The following C3orf70 variants were observed in gnomAD, a reference collection of about 807,000 sequenced individuals.
C3orf70 encodes the protein chromosome 3 open reading frame 70.
C3orf70 carries 15 observed loss-of-function variants against 20.7 expected under a neutral mutation model. The observed-to-expected ratio is 0.72, with a 90% confidence interval of 0.48 to 1.11. The LOEUF (loss-of-function observed/expected upper bound fraction) is 1.11. Ranked by LOEUF, C3orf70 falls within the 50% of genes most tolerant of loss-of-function variation. C3orf70 has a pLI of 0.00. For synonymous variants in C3orf70, 161 were observed against 125.7 expected (o/e 1.28, Z -1.88); for missense variants, 332 against 317.6 (o/e 1.05, Z -0.34).
intron 1 of C3orf70, among the ~76,000 whole-genome samples, chr3:185,126,713 C>T (rs151283461): frequency 1.3e-4 from 20 of 152,250 alleles, no homozygotes; most frequent in Admixed American, 9.8e-4. Flanking sequence ...ATAGGACTGA[C>T]TCCATTGCTG....
In C3orf70 at chr3:185,131,488, T is replaced by C. The variant is rs373557631; in HGVS notation, c.196+21140A>G. On this transcript the variant is annotated intron_variant, in intron 1 of 1. Coordinates refer to ENST00000335012, the MANE Select transcript of C3orf70 (RefSeq NM_001025266.3). Reference sequence around the variant, plus strand: ...CTGAATTCATATGTACATGTATTTATATTCCATGTTGTTCAAAACAAACTT... The same window carrying C: ...CTGAATTCATATGTACATGTATTTACATTCCATGTTGTTCAAAACAAACTT... Among the ~76,000 whole-genome samples the C allele has an allele frequency of 4.1e-4, 63 of 152,374 alleles. No individual in the cohort carries two copies. In the South Asian group the frequency reaches 0.013, roughly 31 times the overall value.
chr3:185,104,612 T>C (rs887583940), intron 1 of C3orf70, among the ~76,000 whole-genome samples: 1 of 150,398 alleles, frequency 6.6e-6, no homozygotes, highest in South Asian at 2.1e-4. Flanking sequence ...AAAGAAAAAG[T>C]GGTACACATA....
chr3:185,124,059 AAAC>A (rs1372264045), intron 1 of C3orf70, among the ~76,000 whole-genome samples: 1 of 152,164 alleles, frequency 6.6e-6, no homozygotes, highest in East Asian at 1.9e-4. Context: ...GTTATTCTCT[AAAC>A]AATAAAATAT....
rs1175709909 is a variant in C3orf70, at chr3:185,081,803, TAGC to T, written c.*1201_*1203del. The T allele has an allele frequency of 1.3e-5, 2 of 152,684 alleles. No individual in the cohort carries two copies. Among genetic ancestry groups the T allele is most frequent in the Admixed American group, 6.5e-5 (1 of 15,284 alleles). The allele number at this position is 152,684 out of a possible 1,614,324, so 9.5% of individuals were successfully genotyped here. A position where few individuals can be genotyped will look rare whatever the true frequency, so the allele number is the denominator to read the frequency against. On this transcript the variant is annotated 3_prime_UTR_variant, in exon 2 of 2. Coordinates refer to ENST00000335012, the MANE Select transcript of C3orf70 (RefSeq NM_001025266.3). ...TTACACTGGATATTTTCTCCTGACT[TAGC>T]AGCAAACTATTTCAACTGCTTTTGC...
intron 1 of C3orf70, among the ~76,000 whole-genome samples, chr3:185,141,835 CAT>C (rs1553922017): frequency 2.0e-5 from 3 of 150,348 alleles, no homozygotes; most frequent in Admixed American, 1.3e-4. Context: ...CACACACACA[CAT>C]TTCCTAAATT....
intron 1 of C3orf70, among the ~76,000 whole-genome samples, chr3:185,100,804 TAAAG>T (rs949541316): frequency 7.3e-5 from 11 of 150,726 alleles, no homozygotes; most frequent in African/African-American, 2.7e-4. Context: ...CCTAGACTAA[TAAAG>T]AAGAGAGTAG....
intron 1 of C3orf70, among the ~76,000 whole-genome samples, chr3:185,146,088 T>C (rs920506628): frequency 6.6e-6 from 1 of 152,006 alleles, no homozygotes; most frequent in African/African-American, 2.4e-5. Flanking sequence ...TCTCTGTCTC[T>C]GGAAGAACCT....
intron 1 of C3orf70, among the ~76,000 whole-genome samples, chr3:185,145,426 T>C (rs1343054636): frequency 1.3e-5 from 2 of 151,806 alleles, no homozygotes; most frequent in Non-Finnish European, 2.9e-5. Context: ...AAAAACTGCC[T>C]AGTCTTTTTT....
intron 1 of C3orf70, among the ~76,000 whole-genome samples, chr3:185,107,221 C>A (rs1186493058): frequency 6.6e-6 from 1 of 152,180 alleles, no homozygotes; most frequent in Non-Finnish European, 1.5e-5. Context: ...GTTGGTAAAG[C>A]CCCTGAAGTA....
intron 1 of C3orf70, among the ~76,000 whole-genome samples, chr3:185,137,365 C>G (rs1014462590): frequency 1.3e-5 from 2 of 152,090 alleles, no homozygotes; most frequent in Non-Finnish European, 1.5e-5. Flanking sequence ...ACTAATACAC[C>G]CTCTTTCAAC....
rs566355068 is a variant in C3orf70 at position 185,077,992 on chromosome 3, A to G, written c.*5015T>C. On this transcript the variant is annotated 3_prime_UTR_variant, in exon 2 of 2. Transcript: ENST00000335012. ...AAGACCTGATATATAAATGTTTCACACTTTGCAAACGTGAGTTTTGGTTTT... is the reference window on the plus strand; with the variant it reads ...AAGACCTGATATATAAATGTTTCACGCTTTGCAAACGTGAGTTTTGGTTTT... 6.6e-6 allele frequency: 1 copy of G among 152,562 alleles called. No homozygotes were observed. The highest frequency in any genetic ancestry group is 1.9e-4 in the East Asian group (1 of 5,176). The allele number at this position is 152,562 out of a possible 1,614,324, so 9.5% of individuals were successfully genotyped here.
intron 1 of C3orf70, among the ~76,000 whole-genome samples, chr3:185,087,912 CA>C (rs200715065): frequency 0.031 from 3,521 of 114,598 alleles, 119 homozygotes; most frequent in African/African-American, 0.1. Flanking sequence ...TAGTTTTATA[CA>C]TTTTTTTTTT....
At chr3:185,128,492 C>T (rs1254730715) in intron 1 of C3orf70, among the ~76,000 whole-genome samples, 1 of 150,850 alleles carries the variant, frequency 6.6e-6, no homozygotes, top group Non-Finnish European at 1.5e-5. Flanking sequence ...CGCACCACTG[C>T]ACTCCGGCCT....
chr3:185,127,109 T>C (rs1716426748), intron 1 of C3orf70, among the ~76,000 whole-genome samples: 1 of 152,212 alleles, frequency 6.6e-6, no homozygotes, highest in Non-Finnish European at 1.5e-5. Flanking sequence ...CTGCCTCCTG[T>C]AAGAGGTCCC....
chr3:185,091,879 T>TATAA (rs1183028549), intron 1 of C3orf70, among the ~76,000 whole-genome samples: 1 of 126,562 alleles, frequency 7.9e-6, no homozygotes, highest in Non-Finnish European at 1.6e-5. Context: ...TATATATATA[T>TATAA]AATATATATA....
chr3:185,083,406 AG>A lies in C3orf70; in HGVS notation c.353del (p.Pro118LeufsTer8). 2 of 1,614,164 alleles carry A rather than the reference AG, an allele frequency of 1.2e-6. No individual in the cohort carries two copies. The highest frequency in any genetic ancestry group is 1.7e-6 in the Non-Finnish European group (2 of 1,180,030). ...AAATCATACAGTACCTCGGTGAGTC[AG>A]GGGGAAGGGGAGGCTGGAAGACAGA... ...FASVFQPPLP[P>X]DSPRYCMISD... is the part of the protein sequence containing the mutation. On this transcript the variant is annotated frameshift_variant, in exon 2 of 2. Coordinates refer to ENST00000335012, the MANE Select transcript of C3orf70 (RefSeq NM_001025266.3). LOFTEE classifies it high-confidence loss of function.
intron 1 of C3orf70, among the ~76,000 whole-genome samples, chr3:185,138,067 C>G (rs1163172110): frequency 6.6e-6 from 1 of 152,106 alleles, no homozygotes; most frequent in Non-Finnish European, 1.5e-5. Context: ...CAGAGGATGT[C>G]ATACATACCA....
At chr3:185,141,930 T>G (rs1041211693) in intron 1 of C3orf70, among the ~76,000 whole-genome samples, 1 of 152,056 alleles carries the variant, frequency 6.6e-6, no homozygotes, top group African/African-American at 2.4e-5. Context: ...TCCATACCAT[T>G]TCTCATGAAA....
chr3:185,085,006 G>A (rs1266286520), intron 1 of C3orf70, among the ~76,000 whole-genome samples: 1 of 152,080 alleles, frequency 6.6e-6, no homozygotes, highest in African/African-American at 2.4e-5. Context: ...TCATCGTGGT[G>A]GGGAGGGGTG....
Sources: allele counts gnomAD v4.1 joint callset (sites outside exome capture counted in the v4.1 genomes callset), GRCh38; gene constraint gnomAD v4.1.1; transcripts MANE v1.5; gene names NCBI Gene and HGNC (gene_info 2026-07-23, HGNC 2026-07-21).